Variants in DECR1 observed in about 807,000 individuals in gnomAD.
The protein encoded by DECR1 is 2,4-dienoyl-CoA reductase 1.
A neutral mutation model predicts 38.8 loss-of-function variants in DECR1; 44 were observed. The ratio of observed to expected loss-of-function variants is 1.13; its 90% CI spans 0.89 to 1.46. The LOEUF is 1.46. DECR1 is among the 40% of genes most tolerant of loss of function. The pLI is 0.00. For synonymous variants in DECR1, 148 were observed against 135.2 expected (o/e 1.09, Z -0.66); for missense variants, 428 against 405.5 (o/e 1.06, Z -0.48).
Position 90,019,085 on chromosome 8 carries a change from G to T in DECR1, c.331-1G>T. The stretch of plus-strand genomic sequence containing the variant: ...GTCATATTCTTTTTGTTATTTTGCA[G>T]GTTCATGCAATTCAGTGTGATGTGA... On this transcript the variant is annotated splice_acceptor_variant, in intron 3 of 9. Transcript: ENST00000220764. LOFTEE classifies it high-confidence loss of function. The T allele has an allele frequency of 6.2e-7, 1 of 1,613,638 alleles. No homozygotes were observed. Among genetic ancestry groups the T allele is most frequent in the Non-Finnish European group, 8.5e-7 (1 of 1,179,632 alleles).
chr8:90,007,059 C>T (rs1386068328), intron 1 of DECR1, among the ~76,000 whole-genome samples: 1 of 152,010 alleles, frequency 6.6e-6, no homozygotes, highest in African/African-American at 2.4e-5. Flanking sequence ...GTTAATTCTC[C>T]CTGGGAGTGT....
intron 1 of DECR1, chr8:90,005,423 A>G: frequency 2.2e-6 from 1 of 456,292 alleles, no homozygotes; most frequent in Non-Finnish European, 4.4e-6. Flanking sequence ...TGGGATCCCA[A>G]ATAAATAGCA....
rs1241502526 is a variant in DECR1 at position 90,053,197 on chromosome 8, C to G, written c.*1300C>G. 1.3e-5 allele frequency among the ~76,000 whole-genome samples: 2 copies of G among 152,042 alleles called. No individual in the cohort carries two copies. The highest frequency in any genetic ancestry group is 6.5e-5 in the Admixed American group (1 of 15,268). ...TTTAGTACTAATCCTGTGTATTAGT[C>G]TGTTCTCATGCTGCTAATAAAGACA... is the stretch of plus-strand genomic sequence containing the variant. On this transcript the variant is annotated 3_prime_UTR_variant, in exon 10 of 10. Transcript: ENST00000220764.
At chr8:90,023,101 G>A (rs967214152) in intron 5 of DECR1, among the ~76,000 whole-genome samples, 11 of 152,140 alleles carry the variant, frequency 7.2e-5, no homozygotes, top group Non-Finnish European at 2.9e-5. Context: ...GAACTGAAGC[G>A]TGACATTTTT....
intron 5 of DECR1, among the ~76,000 whole-genome samples, chr8:90,025,562 C>T (rs936759371): frequency 6.6e-6 from 1 of 152,138 alleles, no homozygotes; most frequent in Non-Finnish European, 1.5e-5. Context: ...GATTTTTGCA[C>T]ATTGATTTTG....
intron 8 of DECR1, among the ~76,000 whole-genome samples, chr8:90,049,504 AC>A (rs1814009772): frequency 6.6e-6 from 1 of 152,188 alleles, no homozygotes; most frequent in African/African-American, 2.4e-5. Context: ...AGAACTACAA[AC>A]CACTGCTCAG....
chr8:90,034,048 A>G (rs919538593), intron 5 of DECR1, among the ~76,000 whole-genome samples: 2 of 152,184 alleles, frequency 1.3e-5, no homozygotes, highest in Admixed American at 6.6e-5. Flanking sequence ...TTTGATATAT[A>G]GAAGGAGTTA....
In DECR1 at chr8:90,037,021, G is replaced by T. The variant is rs1239709204; in HGVS notation, c.665+81G>T. ...CAGGGAACTGTATTCCTGCTTTCTGGTGTCCATCCAGAGAAAAGTAAACAA... is the reference window on the plus strand; with the variant it reads ...CAGGGAACTGTATTCCTGCTTTCTGTTGTCCATCCAGAGAAAAGTAAACAA... On this transcript the variant is annotated intron_variant, in intron 6 of 9. Transcript: ENST00000220764. 3 of 937,542 alleles carry T rather than the reference G, an allele frequency of 3.2e-6. No homozygotes were observed. In the East Asian group the frequency reaches 7.3e-5, roughly 23 times the overall value. 58.1% of individuals were successfully genotyped at this position (937,542 alleles called of 1,614,324 possible).
At chr8:90,047,834 C>T (rs557626372) in intron 8 of DECR1, among the ~76,000 whole-genome samples, 2 of 152,344 alleles carry the variant, frequency 1.3e-5, no homozygotes, top group East Asian at 1.9e-4. Context: ...AACAAACTGT[C>T]TCTCAGACCA....
chr8:90,002,491 CAAA>C lies in DECR1; in HGVS notation c.69+933_69+935del, dbSNP rs369731091. 2.2e-3 allele frequency among the ~76,000 whole-genome samples: 339 copies of C among 151,892 alleles called. 2 individuals carry two copies. Among genetic ancestry groups the C allele is most frequent in the African/African-American group, 7.1e-3 (292 of 41,252 alleles). ...TAGGAAGAAGAAAGAGAAACAAAAACAAAAAGAAGCAATAATATCCAAGACAAG... is the reference window on the plus strand; with the variant it reads ...TAGGAAGAAGAAAGAGAAACAAAAACAAGAAGCAATAATATCCAAGACAAG... On this transcript the variant is annotated intron_variant, in intron 1 of 9. Transcript: ENST00000220764.
At chr8:90,046,486 G>C (rs1813905882) in intron 8 of DECR1, among the ~76,000 whole-genome samples, 1 of 152,128 alleles carries the variant, frequency 6.6e-6, no homozygotes, top group Admixed American at 6.5e-5. Context: ...GAGAAGTTTA[G>C]AGAAAAAAGA....
intron 5 of DECR1, among the ~76,000 whole-genome samples, chr8:90,024,435 T>C (rs992631846): frequency 4.6e-5 from 7 of 152,220 alleles, no homozygotes; most frequent in Non-Finnish European, 7.3e-5. Flanking sequence ...TGGTATCTCA[T>C]CGTGGTTTTG....
intron 1 of DECR1, among the ~76,000 whole-genome samples, chr8:90,004,020 A>T (rs1306616065): frequency 6.7e-6 from 1 of 150,204 alleles, no homozygotes; most frequent in East Asian, 1.9e-4. Context: ...GTGAAACTTT[A>T]AAAAAAAAAT....
intron 6 of DECR1, among the ~76,000 whole-genome samples, chr8:90,039,718 G>T (rs1813701327): frequency 6.6e-6 from 1 of 152,062 alleles, no homozygotes; most frequent in Admixed American, 6.6e-5. Context: ...TCCCACTTAG[G>T]TTCTTCTTCT....
intron 7 of DECR1, 64 bp from the exon 8 acceptor site, chr8:90,044,785 C>T: frequency 6.6e-7 from 1 of 1,517,796 alleles, no homozygotes; most frequent in South Asian, 1.3e-5. Context: ...CACATTTTTT[C>T]TTGAGTAGGA....
At chr8:90,014,633 A>G (rs1812962416) in intron 1 of DECR1, among the ~76,000 whole-genome samples, 1 of 152,168 alleles carries the variant, frequency 6.6e-6, no homozygotes, top group Non-Finnish European at 1.5e-5. Context: ...GAGGAGGTTG[A>G]GGAAATGTTT....
In DECR1 at chr8:90,036,893, T is replaced by G. The variant is rs1479006979; in HGVS notation, c.618T>G (p.Phe206Leu). 1 of 1,613,454 alleles carries G rather than the reference T, an allele frequency of 6.2e-7. No homozygotes were observed. The highest frequency in any genetic ancestry group is 1.7e-5 in the Admixed American group (1 of 59,898). ...TCTATGCTGAGACTGGTTCAGGTTT[T>G]GTAGTACCAAGTGCTTCTGCCAAAG... ...TTIYAETGSGFVVPSASAKAG... is the reference protein window; with the variant it reads ...TTIYAETGSGLVVPSASAKAG... The change falls in exon 6 of 10, where the codon TTT (phenylalanine) becomes TTG (leucine). Residue 206 changes from phenylalanine (F) to leucine (L), a missense_variant. Coordinates refer to ENST00000220764, the MANE Select transcript of DECR1 (RefSeq NM_001359.2).
At chr8:90,013,395 TTTC>T (rs953159145) in intron 1 of DECR1, among the ~76,000 whole-genome samples, 32 of 146,590 alleles carry the variant, frequency 2.2e-4, no homozygotes, top group African/African-American at 8.1e-4. Flanking sequence ...TTGCCTCTTC[TTTC>T]GTTTTTTTTT....
At chr8:90,025,420 C>G (rs1238461128) in intron 5 of DECR1, among the ~76,000 whole-genome samples, 1 of 152,110 alleles carries the variant, frequency 6.6e-6, no homozygotes, top group East Asian at 1.9e-4. Flanking sequence ...TGTAGTTCTC[C>G]TTGAAGAGGT....
Sources: allele counts gnomAD v4.1 joint callset (sites outside exome capture counted in the v4.1 genomes callset), GRCh38; gene constraint gnomAD v4.1.1; transcripts MANE v1.5; gene names NCBI Gene and HGNC (gene_info 2026-07-23, HGNC 2026-07-21).